The following NFIB variants were observed in gnomAD, a reference collection of about 807,000 sequenced individuals.
NFIB encodes the protein nuclear factor 1 B-type.
Under a neutral mutation model 61.5 loss-of-function variants are expected in NFIB, and 11 were observed. The ratio of observed to expected loss-of-function variants is 0.18; its 90% confidence interval spans 0.11 to 0.30. The LOEUF is 0.30. Ranked by LOEUF, NFIB falls within the 10% of genes least tolerant of loss-of-function variation. The probability of loss-of-function intolerance (pLI) is 1.00; values close to 1 mark genes in which losing one functional copy is unlikely to be tolerated. For missense variants in NFIB, 471 were observed against 608.9 expected (o/e 0.77, Z 2.38); for synonymous variants, 260 against 216.5 (o/e 1.20, Z -1.76).
chr9:14,408,550 T>A, the NFIB span, among the ~76,000 whole-genome samples: 1 of 152,248 alleles, frequency 6.6e-6, no homozygotes, highest in African/African-American at 2.4e-5. Context: ...ACTTGAAGAT[T>A]AATTTCTGGA....
the NFIB span, among the ~76,000 whole-genome samples, chr9:14,484,355 T>C: frequency 1.3e-5 from 2 of 152,354 alleles, no homozygotes; most frequent in South Asian, 2.1e-4. Flanking sequence ...CTTTGGATTC[T>C]AGCAGGTTGA....
intron 3 of NFIB, among the ~76,000 whole-genome samples, chr9:14,162,954 C>T (rs986521112): frequency 2.6e-5 from 4 of 151,956 alleles, no homozygotes; most frequent in African/African-American, 9.7e-5. Flanking sequence ...CTCTCTCCAA[C>T]GGTGTTAAAG....
chr9:14,177,502 T>C lies in NFIB; in HGVS notation c.616+2225A>G, dbSNP rs183900749. On this transcript the variant is annotated intron_variant, in intron 3 of 10. Coordinates refer to ENST00000380953, the MANE Select transcript of NFIB (RefSeq NM_001190737.2). ...CAAAATAGAATTCCTTAATAAGCCT[T>C]ATGGTTGAGTTCATAGTATTATAAT... Among the ~76,000 whole-genome samples, 16 of 152,212 alleles carry C rather than the reference T, an allele frequency of 1.1e-4. No homozygotes were observed. In the East Asian group the frequency reaches 3.1e-3, roughly 29 times the overall value.
chr9:14,526,290 C>T, the NFIB span, among the ~76,000 whole-genome samples: 1 of 152,024 alleles, frequency 6.6e-6, no homozygotes, highest in African/African-American at 2.4e-5. Context: ...GTTATTAAAG[C>T]TGTTTATTAC....
intron 6 of NFIB, among the ~76,000 whole-genome samples, chr9:14,144,031 T>C (rs1379975444): frequency 6.6e-6 from 1 of 150,942 alleles, no homozygotes; most frequent in Non-Finnish European, 1.5e-5. Context: ...TGTGTGTGTG[T>C]GTTTAAAATG....
At position 14,322,086 on chromosome 9, in the gene NFIB, A is replaced by T; in HGVS notation, c.109-14566T>A. The T allele has an allele frequency of 1.4e-5, 10 of 711,694 alleles. No individual in the cohort carries two copies. In the South Asian group the frequency reaches 2.7e-4, roughly 19 times the overall value. 44.1% of individuals were successfully genotyped at this position (711,694 alleles called of 1,614,324 possible). A position where few individuals can be genotyped will look rare whatever the true frequency, so the allele number is the denominator to read the frequency against. Reference sequence around the variant, plus strand: ...CTTTTTGTGTTTAGTTAAAAAAAAAAAAAAAAAAAAAAAAAAGCAATCCGG... The same window carrying T: ...CTTTTTGTGTTTAGTTAAAAAAAAATAAAAAAAAAAAAAAAAGCAATCCGG... On this transcript the variant is annotated intron_variant, in intron 1 of 8. Transcript: ENST00000380934.
the NFIB span, among the ~76,000 whole-genome samples, chr9:14,525,147 C>T: frequency 6.6e-6 from 1 of 152,162 alleles, no homozygotes; most frequent in Non-Finnish European, 1.5e-5. Context: ...AGACACAGCT[C>T]TGGAGCGAGT....
intron 1 of NFIB, among the ~76,000 whole-genome samples, chr9:14,356,331 C>T (rs188658507): frequency 3.9e-5 from 6 of 152,216 alleles, no homozygotes; most frequent in African/African-American, 1.4e-4. Context: ...TAGTGTGGCT[C>T]GGACCAAGAT....
At chr9:14,436,640 A>C in the NFIB span, among the ~76,000 whole-genome samples, 1 of 152,224 alleles carries the variant, frequency 6.6e-6, no homozygotes, top group Non-Finnish European at 1.5e-5. Context: ...GGAAAAACCC[A>C]TGGGACCAAA....
rs1377138460 is a variant in NFIB at position 14,085,374 on chromosome 9, T to C, written c.*2935A>G. 4.5e-6 allele frequency: 1 copy of C among 224,604 alleles called. No individual in the cohort carries two copies. The allele number at this position is 224,604 out of a possible 1,614,324, so 13.9% of individuals were successfully genotyped here. A position where few individuals can be genotyped will look rare whatever the true frequency, so the allele number is the denominator to read the frequency against. On this transcript the variant is annotated 3_prime_UTR_variant, in exon 11 of 11. Coordinates refer to ENST00000380953, the MANE Select transcript of NFIB (RefSeq NM_001190737.2). ...TCCTTCTAGTAATGAATACACTCAA[T>C]GGGACTGGGCGGTGAGGGAAAGGCA...
the NFIB span, among the ~76,000 whole-genome samples, chr9:14,431,011 G>C: frequency 6.6e-6 from 1 of 152,048 alleles, no homozygotes; most frequent in Non-Finnish European, 1.5e-5. Context: ...GGAAATAATG[G>C]GGCCTTTGAG....
intron 2 of NFIB, among the ~76,000 whole-genome samples, chr9:14,230,973 G>T (rs1049684938): frequency 4.1e-5 from 5 of 122,564 alleles, no homozygotes; most frequent in African/African-American, 7.7e-5. Context: ...AAAGGCAAAG[G>T]GGGAGCGGAG....
At chr9:14,376,140 A>G (rs1056143888) in intron 1 of NFIB, among the ~76,000 whole-genome samples, 12 of 152,182 alleles carry the variant, frequency 7.9e-5, no homozygotes, top group Non-Finnish European at 2.9e-5. Context: ...AGCACACTAC[A>G]GTCTTAAACT....
chr9:14,329,328 G>A (rs180685536), intron 1 of NFIB, among the ~76,000 whole-genome samples: 16 of 152,178 alleles, frequency 1.1e-4, no homozygotes, highest in African/African-American at 3.1e-4. Flanking sequence ...CTGTGTGCCA[G>A]TATGAGCAGC....
chr9:14,167,285 G>A (rs1432933244), intron 3 of NFIB, among the ~76,000 whole-genome samples: 2 of 152,176 alleles, frequency 1.3e-5, no homozygotes, highest in African/African-American at 2.4e-5. Context: ...GCTCATGCCT[G>A]TAATCCCAGC....
At chr9:14,462,639 A>G in the NFIB span, among the ~76,000 whole-genome samples, 1 of 152,152 alleles carries the variant, frequency 6.6e-6, no homozygotes, top group East Asian at 1.9e-4. Flanking sequence ...GTAACCAGTA[A>G]GAGAAACACA....
rs73411969 is a variant in NFIB, at chr9:14,165,709, C to T, written c.617-9816G>A. 1.9e-3 allele frequency among the ~76,000 whole-genome samples: 293 copies of T among 152,274 alleles called. 1 individual carries two copies. Among genetic ancestry groups the T allele is most frequent in the African/African-American group, 6.7e-3 (278 of 41,574 alleles). ...ATTTTCCCAACCTCCCCAGCCTCCT[C>T]CTCTTTGCAGCCCTTAAAAATGTAA... On this transcript the variant is annotated intron_variant, in intron 3 of 10. Coordinates refer to ENST00000380953, the MANE Select transcript of NFIB (RefSeq NM_001190737.2).
chr9:14,227,845 C>G (rs577608094), intron 2 of NFIB, among the ~76,000 whole-genome samples: 5 of 152,282 alleles, frequency 3.3e-5, no homozygotes, highest in African/African-American at 7.2e-5. Context: ...GAGGAACCTT[C>G]TGAACCTCTG....
chr9:14,498,009 A>C, the NFIB span, among the ~76,000 whole-genome samples: 1 of 152,176 alleles, frequency 6.6e-6, no homozygotes, highest in Non-Finnish European at 1.5e-5. Flanking sequence ...ACTGTCAAGG[A>C]TTTCCCACTT....
Sources: gnomAD v4.1 joint callset for allele counts (sites outside exome capture counted in the v4.1 genomes callset) on GRCh38, gnomAD v4.1.1 for gene constraint, MANE v1.5 for transcripts, NCBI Gene and HGNC (gene_info 2026-07-23, HGNC 2026-07-21) for gene names.